TBCEL: variants seen among roughly 807,000 people sequenced by gnomAD.
TBCEL encodes the protein tubulin-specific chaperone cofactor E-like protein.
Under a neutral mutation model 44.2 loss-of-function variants are expected in TBCEL, and 15 were observed. The ratio of observed to expected loss-of-function variants is 0.34; its 90% CI spans 0.23 to 0.52. The LOEUF (loss-of-function observed/expected upper bound fraction) is 0.52. Among genes scored for constraint, TBCEL ranks in the 20% least tolerant of loss-of-function variants. The pLI is 0.95. For missense variants in TBCEL, 319 were observed against 506.3 expected (o/e 0.63, Z 3.55); for synonymous variants, 171 against 185.4 (o/e 0.92, Z 0.63).
At chr11:121,084,076 C>T (rs1353781066) in intron 8 of TBCEL, among the ~76,000 whole-genome samples, 2 of 152,162 alleles carry the variant, frequency 1.3e-5, no homozygotes, top group African/African-American at 2.4e-5. Context: ...CCCTCTATAA[C>T]AGCGTTAATC....
At chr11:121,045,013 G>A (rs939786861) in intron 2 of TBCEL, among the ~76,000 whole-genome samples, 3 of 152,024 alleles carry the variant, frequency 2.0e-5, no homozygotes, top group South Asian at 2.1e-4. Flanking sequence ...TCAGCAATTC[G>A]TCCCACTTTT....
At chr11:121,079,359 T>G (rs1946084565) in intron 8 of TBCEL, among the ~76,000 whole-genome samples, 1 of 152,166 alleles carries the variant, frequency 6.6e-6, no homozygotes, top group African/African-American at 2.4e-5. Flanking sequence ...ATGGGGACAT[T>G]TGAAATGTAG....
At chr11:121,066,336 A>G (rs557252784) in intron 8 of TBCEL, among the ~76,000 whole-genome samples, 16 of 152,348 alleles carry the variant, frequency 1.1e-4, no homozygotes, top group African/African-American at 3.4e-4. Context: ...ATAGTTAGAC[A>G]GGCTTATATC....
At chr11:121,053,492 G>A (rs974065523) in intron 4 of TBCEL, 59 bp from the exon 5 acceptor site, 1 of 1,523,688 alleles carries the variant, frequency 6.6e-7, no homozygotes, top group African/African-American at 1.4e-5. Flanking sequence ...TCTTGAGCAT[G>A]ATTGCTATTT....
intron 7 of TBCEL, among the ~76,000 whole-genome samples, chr11:121,059,296 G>A (rs1222426883): frequency 1.3e-5 from 2 of 151,908 alleles, no homozygotes; most frequent in African/African-American, 4.8e-5. Context: ...AATACGTCTT[G>A]CAGTAGGTCT....
chr11:121,045,899 G>T, intron 3 of TBCEL, 76 bp downstream of exon 3: 2 of 1,366,144 alleles, frequency 1.5e-6, no homozygotes, highest in Non-Finnish European at 1.9e-6. Flanking sequence ...TGCCTTGTTT[G>T]CAAATGATTT....
chr11:121,082,017 A>C (rs1946134923), intron 8 of TBCEL, among the ~76,000 whole-genome samples: 1 of 152,248 alleles, frequency 6.6e-6, no homozygotes, highest in Non-Finnish European at 1.5e-5. Context: ...GAAGGTGCAG[A>C]AAATGGTAAT....
At chr11:121,071,561 T>C (rs1390811560) in intron 8 of TBCEL, among the ~76,000 whole-genome samples, 1 of 152,226 alleles carries the variant, frequency 6.6e-6, no homozygotes, top group Admixed American at 6.5e-5. Flanking sequence ...TTCTTTTCTT[T>C]GGTACCTTAT....
intron 5 of TBCEL, among the ~76,000 whole-genome samples, 197 bp downstream of exon 5, chr11:121,053,929 A>T (rs1386086392): frequency 6.6e-6 from 1 of 151,852 alleles, no homozygotes; most frequent in Non-Finnish European, 1.5e-5. Context: ...TTCAGTGTTG[A>T]GTAGCACCAA....
At chr11:121,064,191 C>T (rs1945775637) in intron 8 of TBCEL, among the ~76,000 whole-genome samples, 1 of 152,170 alleles carries the variant, frequency 6.6e-6, no homozygotes, top group African/African-American at 2.4e-5. Context: ...GCAAGTTAGT[C>T]ACTAGATGTA....
At chr11:121,035,260 G>A (rs939095752) in intron 1 of TBCEL, 1 of 152,074 alleles carries the variant, frequency 6.6e-6, no homozygotes, top group African/African-American at 2.4e-5. Flanking sequence ...TGAGCTAGGA[G>A]TTACAGGCTA....
chr11:121,067,921 G>A (rs888164382), intron 8 of TBCEL, among the ~76,000 whole-genome samples: 20 of 152,214 alleles, frequency 1.3e-4, no homozygotes, highest in African/African-American at 4.6e-4. Context: ...AAACAGTAGT[G>A]TCTACTCTCA....
intron 1 of TBCEL, among the ~76,000 whole-genome samples, chr11:121,031,393 G>T (rs894188244): frequency 6.6e-6 from 1 of 152,122 alleles, no homozygotes; most frequent in African/African-American, 2.4e-5. Context: ...GCATAAAATG[G>T]TATCTCATTG....
chr11:121,075,725 A>G (rs1474048566), intron 8 of TBCEL, among the ~76,000 whole-genome samples: 1 of 151,942 alleles, frequency 6.6e-6, no homozygotes, highest in Non-Finnish European at 1.5e-5. Flanking sequence ...AAGTACAGTC[A>G]TGTGTTGCTT....
At chr11:121,054,121 A>G (rs150131939) in intron 5 of TBCEL, among the ~76,000 whole-genome samples, 15 of 152,036 alleles carry the variant, frequency 9.9e-5, no homozygotes, top group Non-Finnish European at 1.8e-4. Flanking sequence ...TTAAGTGCCT[A>G]GCTGATCTGA....
intron 8 of TBCEL, among the ~76,000 whole-genome samples, chr11:121,076,752 A>C (rs962595881): frequency 6.6e-6 from 1 of 151,990 alleles, no homozygotes; most frequent in Admixed American, 6.6e-5. Flanking sequence ...TTTAGGAAAA[A>C]ATCATTCATT....
At chr11:121,041,479 A>G (rs1315822062) in intron 2 of TBCEL, among the ~76,000 whole-genome samples, 2 of 152,284 alleles carry the variant, frequency 1.3e-5, no homozygotes, top group East Asian at 1.9e-4. Context: ...AATGGAAGCA[A>G]GCAATATCAC....
intron 8 of TBCEL, among the ~76,000 whole-genome samples, chr11:121,073,471 C>CT (rs897664817): frequency 6.6e-6 from 1 of 151,568 alleles, no homozygotes; most frequent in African/African-American, 2.4e-5. Context: ...ATAGAAATGT[C>CT]TTTTTTTTAT....
intron 8 of TBCEL, among the ~76,000 whole-genome samples, chr11:121,076,046 CTG>C (rs1946027605): frequency 6.6e-6 from 1 of 151,906 alleles, no homozygotes; most frequent in Non-Finnish European, 1.5e-5. Context: ...TGACCCATGT[CTG>C]TGTCCTTTTG....
Sources: allele counts gnomAD v4.1 joint callset (sites outside exome capture counted in the v4.1 genomes callset), GRCh38; gene constraint gnomAD v4.1.1; transcripts MANE v1.5; gene names NCBI Gene and HGNC (gene_info 2026-07-23, HGNC 2026-07-21).